TBC1D14: variants seen among roughly 807,000 people sequenced by gnomAD.
The protein encoded by TBC1D14 is TBC1 domain family member 14, also known as TBC1 domain family, member 14.
A neutral mutation model predicts 79.0 loss-of-function variants in TBC1D14; 26 were observed. That is an observed-to-expected ratio of 0.33 (90% confidence interval 0.24 to 0.46). The LOEUF (loss-of-function observed/expected upper bound fraction) is 0.46, where lower values mean the gene tolerates loss of function less well. TBC1D14 is among the 20% of genes least tolerant of loss of function. The probability of loss-of-function intolerance (pLI) is 1.00; values close to 1 mark genes in which losing one functional copy is unlikely to be tolerated. For missense variants in TBC1D14, 769 were observed against 887.6 expected, an observed-to-expected ratio of 0.87 and a Z score of 1.70; for synonymous variants, 394 against 349.9, an observed-to-expected ratio of 1.13 and a Z score of -1.40.
At chr4:6,964,216 C>T (rs187693810) in intron 2 of TBC1D14, among the ~76,000 whole-genome samples, 7 of 152,286 alleles carry the variant, frequency 4.6e-5, no homozygotes, top group African/African-American at 1.7e-4. Flanking sequence ...CCTGCCAGCC[C>T]GTTTCAGTGA....
chr4:6,945,549 G>A (rs1172983866), intron 2 of TBC1D14, among the ~76,000 whole-genome samples: 11 of 152,110 alleles, frequency 7.2e-5, no homozygotes, highest in Admixed American at 6.5e-4. Context: ...TGGAGTTCGA[G>A]ACCAGCCTGA....
intron 2 of TBC1D14, among the ~76,000 whole-genome samples, chr4:6,956,309 C>T (rs1306718052): frequency 6.6e-6 from 1 of 152,226 alleles, no homozygotes; most frequent in East Asian, 1.9e-4. Context: ...GACAGACCAC[C>T]CCTGGCCAGA....
intron 3 of TBC1D14, among the ~76,000 whole-genome samples, chr4:6,968,283 A>G (rs1715883924): frequency 6.6e-6 from 1 of 152,166 alleles, no homozygotes. Context: ...CCCCATGGAA[A>G]TGATTCCAGG....
chr4:6,955,736 C>T lies in TBC1D14; in HGVS notation c.723-11568C>T, dbSNP rs1001364400. Among the ~76,000 whole-genome samples, 6 of 152,288 alleles carry T rather than the reference C, an allele frequency of 3.9e-5. No individual in the cohort carries two copies. The South Asian group carries it at 6.2e-4, about 16-fold the overall frequency. On this transcript the variant is annotated intron_variant, in intron 2 of 13. Transcript: ENST00000409757. ...GGGACTTTGGGTTTATTTCTTAAGA[C>T]TTGAGAGGCTTTGAGAAAGCCCTGA...
chr4:6,991,544 T>A (rs2109142376), intron 3 of TBC1D14, among the ~76,000 whole-genome samples: 1 of 152,330 alleles, frequency 6.6e-6, no homozygotes, highest in South Asian at 2.1e-4. Flanking sequence ...CATGCCTGCC[T>A]CAGGTAGCCT....
At chr4:6,953,025 T>TTC (rs1477866545) in intron 2 of TBC1D14, among the ~76,000 whole-genome samples, 46 of 131,522 alleles carry the variant, frequency 3.5e-4, no homozygotes, top group African/African-American at 1.2e-3. Context: ...TTTTCTTTCT[T>TTC]TTTTTTTTTT....
chr4:7,030,385 G>A lies in TBC1D14; in HGVS notation c.2075G>A (p.Arg692Gln), dbSNP rs201868603. 69 of 1,613,968 alleles carry A rather than the reference G, an allele frequency of 4.3e-5. No individual in the cohort carries two copies. Among genetic ancestry groups the A allele is most frequent in the East Asian group, 1.6e-4 (7 of 44,876 alleles). ...REMEKGSPSL[R>Q]H ...ATGGAGAAGGGAAGTCCGTCCCTCC[G>A]ACACTGAGGCTGCAGCGGGAATTCG... The change falls in exon 14 of 14, where the codon CGA (arginine) becomes CAA (glutamine). Residue 692 changes from arginine (R) to glutamine (Q), a missense_variant. Coordinates refer to ENST00000409757, the MANE Select transcript of TBC1D14 (RefSeq NM_020773.3).
intron 7 of TBC1D14, among the ~76,000 whole-genome samples, chr4:7,002,800 C>G (rs1252842201): frequency 6.6e-6 from 1 of 152,200 alleles, no homozygotes; most frequent in Admixed American, 6.5e-5. Context: ...AGTGTAAGAA[C>G]ACAAACAAAC....
intron 2 of TBC1D14, among the ~76,000 whole-genome samples, chr4:6,950,894 T>C (rs1713978132): frequency 6.6e-6 from 1 of 152,238 alleles, no homozygotes; most frequent in South Asian, 2.1e-4. Flanking sequence ...AAAATTATGC[T>C]GGCCTTATAA....
rs189064766 is a variant in TBC1D14 at position 6,998,973 on chromosome 4, T to C, written c.1046-112T>C. On this transcript the variant is annotated intron_variant, in intron 5 of 13. Coordinates refer to ENST00000409757, the MANE Select transcript of TBC1D14 (RefSeq NM_020773.3). ...TGAGCGCTGGAGCTGATGCTCGCTC[T>C]GCTTCAGGGCGGTTTTCCTGGTGTG... The C allele has an allele frequency of 2.4e-4, 219 of 930,680 alleles. 1 individual carries two copies. The highest frequency in any genetic ancestry group is 6.1e-4 in the South Asian group (40 of 65,372). The allele number at this position is 930,680 out of a possible 1,614,324, so 57.7% of individuals were successfully genotyped here.
intron 2 of TBC1D14, chr4:6,954,386 A>G: frequency 1.4e-6 from 1 of 717,416 alleles, no homozygotes; most frequent in Admixed American, 2.0e-5. Flanking sequence ...CTGGAGACTT[A>G]ACTGGAAGCA....
intron 3 of TBC1D14, among the ~76,000 whole-genome samples, chr4:6,981,854 T>C (rs1717402368): frequency 6.6e-6 from 1 of 152,102 alleles, no homozygotes; most frequent in East Asian, 1.9e-4. Flanking sequence ...AAAGAAGAAA[T>C]GGAAGAGAAC....
intron 2 of TBC1D14, among the ~76,000 whole-genome samples, chr4:6,959,549 G>A (rs1428244803): frequency 6.6e-6 from 1 of 152,182 alleles, no homozygotes; most frequent in Non-Finnish European, 1.5e-5. Context: ...GAAGCACAGT[G>A]TGGGCAGGGG....
chr4:6,954,279 G>A lies in TBC1D14; in HGVS notation c.723-13025G>A, dbSNP rs1274044040. 1.1e-5 allele frequency: 8 copies of A among 717,370 alleles called. No homozygotes were observed. The African/African-American group carries it at 1.2e-4, about 11-fold the overall frequency. The allele number at this position is 717,370 out of a possible 1,614,324, so 44.4% of individuals were successfully genotyped here. A position where few individuals can be genotyped will look rare whatever the true frequency, so the allele number is the denominator to read the frequency against. ...CCGTGCTTCTGCAGCCGGCCCCTCG[G>A]AGCTGCGAGGTCACAGTAGACATGA... On this transcript the variant is annotated intron_variant, in intron 2 of 13. Coordinates refer to ENST00000409757, the MANE Select transcript of TBC1D14 (RefSeq NM_020773.3).
intron 1 of TBC1D14, among the ~76,000 whole-genome samples, chr4:6,920,424 G>A (rs1481782646): frequency 2.0e-5 from 3 of 152,120 alleles, no homozygotes; most frequent in East Asian, 3.9e-4. Flanking sequence ...ACAGGCATGA[G>A]CCACTGCACC....
Position 7,025,082 on chromosome 4 carries a change from A to G in TBC1D14, c.1836A>G (p.Glu612=). 1 of 1,614,184 alleles carries G rather than the reference A, an allele frequency of 6.2e-7. No homozygotes were observed. Among genetic ancestry groups the G allele is most frequent in the Non-Finnish European group, 8.5e-7 (1 of 1,180,026 alleles). Residue 612 remains glutamate (E), a synonymous_variant, in exon 13 of 14, where the codon GAA becomes GAG. Coordinates refer to ENST00000409757, the MANE Select transcript of TBC1D14 (RefSeq NM_020773.3). Reference sequence around the variant, plus strand: ...GGGACGTGTTCTGTCGCGATGGGGAAGAGTTCCTGTTCCGCACGGCCCTGG... The same window carrying G: ...GGGACGTGTTCTGTCGCGATGGGGAGGAGTTCCTGTTCCGCACGGCCCTGG... The part of the protein sequence containing the change: ...RIWDVFCRDG[E]EFLFRTALGI...
chr4:6,965,470 T>C lies in TBC1D14; in HGVS notation c.723-1834T>C, dbSNP rs537570734. ...TCTCTTCATGATTGGATTCAGGTCA[T>C]GCATTCTTGGGCATCAGCGCCATTG... On this transcript the variant is annotated intron_variant, in intron 2 of 13. Coordinates refer to ENST00000409757, the MANE Select transcript of TBC1D14 (RefSeq NM_020773.3). Among the ~76,000 whole-genome samples, 16 of 152,344 alleles carry C rather than the reference T, an allele frequency of 1.1e-4. No individual in the cohort carries two copies. In the South Asian group the frequency reaches 2.1e-3, roughly 20 times the overall value.
chr4:6,916,389 G>A (rs1342663398), intron 1 of TBC1D14, among the ~76,000 whole-genome samples: 1 of 152,226 alleles, frequency 6.6e-6, no homozygotes, highest in Non-Finnish European at 1.5e-5. Flanking sequence ...TCTCCCTGAA[G>A]CCACTAAGCG....
chr4:6,984,503 A>T (rs1040008117), intron 3 of TBC1D14, among the ~76,000 whole-genome samples: 2 of 152,248 alleles, frequency 1.3e-5, no homozygotes, highest in African/African-American at 4.8e-5. Flanking sequence ...TCGATTTTTG[A>T]TGCCATCTGA....
Sources: gnomAD v4.1 joint callset for allele counts (sites outside exome capture counted in the v4.1 genomes callset) on GRCh38, gnomAD v4.1.1 for gene constraint, MANE v1.5 for transcripts, NCBI Gene and HGNC (gene_info 2026-07-23, HGNC 2026-07-21) for gene names.